HARS1: variants seen among roughly 807,000 people sequenced by gnomAD.
The protein encoded by HARS1 is histidine--tRNA ligase, cytoplasmic.
In HARS1, 45 loss-of-function variants were observed where a neutral mutation model predicts 63.6. That is an observed-to-expected ratio of 0.71 (90% CI 0.56 to 0.91). The LOEUF (loss-of-function observed/expected upper bound fraction) is 0.91. Among genes scored for constraint, HARS1 ranks in the 40% least tolerant of loss-of-function variants. The probability of loss-of-function intolerance (pLI) is 0.00; values close to 1 mark genes in which losing one functional copy is unlikely to be tolerated. For missense variants in HARS1, 508 were observed against 643.2 expected (o/e 0.79, Z 2.27); for synonymous variants, 205 against 247.1 (o/e 0.83, Z 1.60).
Position 140,674,731 on chromosome 5 carries a change from T to G in HARS1, c.1406A>C (p.Gln469Pro), listed in dbSNP as rs761312210. 4 of 1,614,226 alleles carry G rather than the reference T, an allele frequency of 2.5e-6. No individual in the cohort carries two copies. Among genetic ancestry groups the G allele is most frequent in the Non-Finnish European group, 3.4e-6 (4 of 1,180,032 alleles). Reference protein sequence around the residue: ...GIPLVAIIGEQELKDGVIKLR... With the variant: ...GIPLVAIIGEPELKDGVIKLR... ...CTTGATGACCCCATCCTTGAGTTCCTGCTCGCCGATGATAGCCACCAGTGG... is the reference window on the plus strand; with the variant it reads ...CTTGATGACCCCATCCTTGAGTTCCGGCTCGCCGATGATAGCCACCAGTGG... Residue 469 changes from glutamine (Q) to proline (P), a missense_variant, in exon 12 of 13, where the codon CAG becomes CCG. Gln to Pro is a moderately conservative substitution (Grantham distance 76). This residue lies in a region of HARS1 where 403 missense variants were observed against 548.7 expected (regional missense o/e 0.73). Coordinates refer to ENST00000504156, the MANE Select transcript of HARS1 (RefSeq NM_002109.6).
intron 2 of HARS1, among the ~76,000 whole-genome samples, chr5:140,689,464 ATTTG>A (rs1442952499): frequency 4.6e-5 from 7 of 152,050 alleles, no homozygotes; most frequent in African/African-American, 9.6e-5. Context: ...AAAGGTTTTT[ATTTG>A]TTTGTTTGTT....
rs3177856 is a variant in HARS1, at chr5:140,673,909, T to G, written c.*348A>C. 1 of 558,050 alleles carries G rather than the reference T, an allele frequency of 1.8e-6. No homozygotes were observed. The highest frequency in any genetic ancestry group is 3.2e-6 in the Non-Finnish European group (1 of 311,718). 34.6% of individuals were successfully genotyped at this position (558,050 alleles called of 1,614,324 possible). On this transcript the variant is annotated 3_prime_UTR_variant, in exon 13 of 13. Transcript: ENST00000504156. ...GCATCACTGACACACGCAGACTCCG[T>G]GGTTGAGGCATTTTATTGGACCTTT...
intron 2 of HARS1, among the ~76,000 whole-genome samples, chr5:140,686,163 G>C (rs1759016028): frequency 6.6e-6 from 1 of 151,704 alleles, no homozygotes; most frequent in Non-Finnish European, 1.5e-5. Context: ...TTGATCTCCT[G>C]ACCTCATGAT....
At chr5:140,678,475 A>C (rs1048396094) in intron 5 of HARS1, 10 of 169,378 alleles carry the variant, frequency 5.9e-5, no homozygotes, top group Non-Finnish European at 1.3e-4. Flanking sequence ...CTGGGTATCA[A>C]GTTTACTCAT....
chr5:140,681,814 A>C (rs901957716), intron 3 of HARS1, among the ~76,000 whole-genome samples: 8 of 152,192 alleles, frequency 5.3e-5, no homozygotes, highest in African/African-American at 1.9e-4. Context: ...TGAGAAAATA[A>C]ATTTCTGTTG....
In HARS1 at chr5:140,679,206, T is replaced by TTAGACCCCAG; in HGVS notation, c.397-80_397-79insCTGGGGTCTA. ...TTATCATCACCAACAGAAGCTGGGGTCTAACCCCTCCCTATGTGGGTAAAA... is the reference window on the plus strand; with the variant it reads ...TTATCATCACCAACAGAAGCTGGGGTTAGACCCCAGCTAACCCCTCCCTATGTGGGTAAAA... On this transcript the variant is annotated intron_variant, in intron 4 of 12. Coordinates refer to ENST00000504156, the MANE Select transcript of HARS1 (RefSeq NM_002109.6). The surrounding 1 kb of genome is among the most constrained non-coding windows in gnomAD (Gnocchi z 4.3). 1.4e-6 allele frequency: 2 copies of TTAGACCCCAG among 1,433,690 alleles called. No homozygotes were observed. Among genetic ancestry groups the TTAGACCCCAG allele is most frequent in the Non-Finnish European group, 1.9e-6 (2 of 1,027,484 alleles). The allele number at this position is 1,433,690 out of a possible 1,614,324, so 88.8% of individuals were successfully genotyped here.
In HARS1 at chr5:140,676,455, G is replaced by A; in HGVS notation, c.1194+199C>T. On this transcript the variant is annotated intron_variant, in intron 10 of 12. Transcript: ENST00000504156. The surrounding 1 kb of genome is among the most constrained non-coding windows in gnomAD (Gnocchi z 4.1). ...GTAGAGACCCAGAGCAGAGGATTGA[G>A]TGCAGAAAGATTATGGATTAAAGAT... 1.6e-6 allele frequency: 1 copy of A among 643,970 alleles called. No homozygotes were observed. The highest frequency in any genetic ancestry group is 2.7e-6 in the Non-Finnish European group (1 of 370,542). 39.9% of individuals were successfully genotyped at this position (643,970 alleles called of 1,614,324 possible). A position where few individuals can be genotyped will look rare whatever the true frequency, so the allele number is the denominator to read the frequency against.
intron 2 of HARS1, 65 bp downstream of exon 2, chr5:140,690,788 CAG>C (rs1759365413): frequency 1.1e-6 from 1 of 893,498 alleles, no homozygotes; most frequent in South Asian, 1.3e-5. Context: ...TTTAGGGAGG[CAG>C]ACATAAGCGC....
Position 140,679,280 on chromosome 5 carries a change from C to G in HARS1, c.397-153G>C. On this transcript the variant is annotated intron_variant, in intron 4 of 12. Coordinates refer to ENST00000504156, the MANE Select transcript of HARS1 (RefSeq NM_002109.6). The surrounding 1 kb of genome is among the most constrained non-coding windows in gnomAD (Gnocchi z 4.3). ...ACTTACAAACATCAGAAAGCATCAG[C>G]TGTGCTACCACATGAGGTAGCTGAA... 1.5e-6 allele frequency: 1 copy of G among 681,906 alleles called. No individual in the cohort carries two copies. Among genetic ancestry groups the G allele is most frequent in the Non-Finnish European group, 2.5e-6 (1 of 397,800 alleles). 42.2% of individuals were successfully genotyped at this position (681,906 alleles called of 1,614,324 possible). A position where few individuals can be genotyped will look rare whatever the true frequency, so the allele number is the denominator to read the frequency against.
In HARS1 at chr5:140,676,656, C is replaced by G. The variant is rs768069083; in HGVS notation, c.1192G>C (p.Glu398Gln). Reference protein sequence around the residue: ...RIFSIVEQRLEALEEKIRTTE... With the variant: ...RIFSIVEQRLQALEEKIRTTE... The stretch of plus-strand genomic sequence containing the variant: ...TCTACCTACCTCCTAGGACCTACCT[C>G]TAGTCTCTGTTCCACGATGGAGAAA... The change falls in exon 10 of 13, where the codon GAG (glutamate) becomes CAG (glutamine). Residue 398 changes from glutamate (E) to glutamine (Q), a missense_variant and splice_region_variant. Physicochemically the swap from Glu to Gln is conservative, Grantham distance 29 (BLOSUM62 2). Coordinates refer to ENST00000504156, the MANE Select transcript of HARS1 (RefSeq NM_002109.6). The surrounding 1 kb of genome is among the most constrained non-coding windows in gnomAD (Gnocchi z 4.1). 5 of 1,614,200 alleles carry G rather than the reference C, an allele frequency of 3.1e-6. No homozygotes were observed. In the Admixed American group the frequency reaches 8.3e-5, roughly 27 times the overall value.
At chr5:140,688,789 C>A (rs1422208223) in intron 2 of HARS1, among the ~76,000 whole-genome samples, 1 of 152,034 alleles carries the variant, frequency 6.6e-6, no homozygotes, top group Non-Finnish European at 1.5e-5. Flanking sequence ...ATTTGGTGAA[C>A]AATATGCTTG....
rs766547643 is a variant in HARS1, at chr5:140,691,247, C to T, written c.58G>A (p.Gly20Ser). 3 of 1,608,354 alleles carry T rather than the reference C, an allele frequency of 1.9e-6. No individual in the cohort carries two copies. In the Admixed American group the frequency reaches 5.0e-5, roughly 27 times the overall value. Residue 20 changes from glycine to serine, a missense_variant, in exon 1 of 13, where the codon GGC becomes AGC. Coordinates refer to ENST00000504156, the MANE Select transcript of HARS1 (RefSeq NM_002109.6). ...LVKLQGERVR[G>S]LKQQKASAEL... ...GCGCTGGCCTTCTGCTGCTTGAGGC[C>T]TCGCACGCGCTCTCCCTGAAGTTTC...
chr5:140,688,289 G>A (rs1759166286), intron 2 of HARS1, among the ~76,000 whole-genome samples: 1 of 152,184 alleles, frequency 6.6e-6, no homozygotes, highest in East Asian at 1.9e-4. Context: ...AATTTTCAAA[G>A]ACACAATATA....
chr5:140,691,294 C>T lies in HARS1; in HGVS notation c.11G>A (p.Arg4His). 1 of 1,606,046 alleles carries T rather than the reference C, an allele frequency of 6.2e-7. No individual in the cohort carries two copies. ...TTTCACCAGCTCCTCCAGCGCCGCACGCTCTGCCATCCCGGCTGTCCACTT... is the reference window on the plus strand; with the variant it reads ...TTTCACCAGCTCCTCCAGCGCCGCATGCTCTGCCATCCCGGCTGTCCACTT... MAERAALEELVKLQ... is the reference protein window; with the variant it reads MAEHAALEELVKLQ... The change falls in exon 1 of 13, where the codon CGT (arginine) becomes CAT (histidine). Residue 4 changes from arginine to histidine, a missense_variant. Transcript: ENST00000504156.
Position 140,676,810 on chromosome 5 carries a change from C to T in HARS1, c.1038G>A (p.Gln346=), listed in dbSNP as rs933597122. Reference sequence around the variant, plus strand: ...CCACACCCAGGGGCTCTTCCCCTGCCTGGGCTGGGGTCTGTAGCAGCACTG... The same window carrying T: ...CCACACCCAGGGGCTCTTCCCCTGCTTGGGCTGGGGTCTGTAGCAGCACTG... The part of the protein sequence containing the change: ...YEAVLLQTPA[Q]AGEEPLGVGS... Residue 346 remains glutamine (Q), a synonymous_variant, in exon 10 of 13, where the codon CAG becomes CAA. Transcript: ENST00000504156. This position sits in a 1 kb window ranked among gnomAD's most constrained non-coding sequence, Gnocchi z 4.1. 1 of 1,614,156 alleles carries T rather than the reference C, an allele frequency of 6.2e-7. No homozygotes were observed. Among genetic ancestry groups the T allele is most frequent in the African/African-American group, 1.3e-5 (1 of 74,960 alleles).
At chr5:140,686,075 A>G (rs1759009221) in intron 2 of HARS1, among the ~76,000 whole-genome samples, 1 of 147,980 alleles carries the variant, frequency 6.8e-6, no homozygotes, top group Non-Finnish European at 1.5e-5. Flanking sequence ...GACTACATAC[A>G]GGCGCGTGCC....
chr5:140,682,299 G>C (rs1758773810), intron 3 of HARS1, among the ~76,000 whole-genome samples: 1 of 152,082 alleles, frequency 6.6e-6, no homozygotes, highest in Admixed American at 6.6e-5. Context: ...AAAGAGCTAA[G>C]GAAAGGGAGT....
Position 140,679,768 on chromosome 5 carries a change from G to C in HARS1, c.396+20C>G, listed in dbSNP as rs191205977. 1 of 1,375,406 alleles carries C rather than the reference G, an allele frequency of 7.3e-7. No homozygotes were observed. Among genetic ancestry groups the C allele is most frequent in the East Asian group, 2.3e-5 (1 of 43,430 alleles). The allele number at this position is 1,375,406 out of a possible 1,614,324, so 85.2% of individuals were successfully genotyped here. Reference sequence around the variant, plus strand: ...TGCCAATCCATCCAAAGTCTCAAGAGCCCAAGTTTAGAAAGATACAGTGAG... The same window carrying C: ...TGCCAATCCATCCAAAGTCTCAAGACCCCAAGTTTAGAAAGATACAGTGAG... On this transcript the variant is annotated intron_variant, in intron 4 of 12. Transcript: ENST00000504156. This position sits in a 1 kb window ranked among gnomAD's most constrained non-coding sequence, Gnocchi z 4.3.
In HARS1 at chr5:140,679,014, T is replaced by C. The variant is rs761915999; in HGVS notation, c.510A>G (p.Glu170=). The change falls in exon 5 of 13, where the codon GAA becomes GAG. Residue 170 remains glutamate (E), a synonymous_variant. Transcript: ENST00000504156. The surrounding 1 kb of genome is among the most constrained non-coding windows in gnomAD (Gnocchi z 4.3). ...TCCCAACACTCACACACTGGTAGAATTCCCGGTATCGGCCACGGGTCATGG... is the reference window on the plus strand; with the variant it reads ...TCCCAACACTCACACACTGGTAGAACTCCCGGTATCGGCCACGGGTCATGG... ...NPAMTRGRYR[E]FYQCDFDIAG... The C allele has an allele frequency of 3.1e-6, 5 of 1,613,826 alleles. No individual in the cohort carries two copies. The East Asian group carries it at 8.9e-5, about 29-fold the overall frequency.
Sources: gnomAD v4.1 joint callset for allele counts (sites outside exome capture counted in the v4.1 genomes callset) on GRCh38, gnomAD v4.1.1 for gene constraint, gnomAD v4.1.1 regional missense constraint, Gnocchi (gnomAD v3.1) non-coding constraint, MANE v1.5 for transcripts, NCBI Gene and HGNC (gene_info 2026-07-23, HGNC 2026-07-21) for gene names.